Variants in PDE4A observed in about 807,000 individuals in gnomAD.
PDE4A encodes 3',5'-cyclic-AMP phosphodiesterase 4A.
A neutral mutation model predicts 73.9 loss-of-function variants in PDE4A; 21 were observed. That is an observed-to-expected ratio of 0.28 (90% CI 0.20 to 0.41). The LOEUF (loss-of-function observed/expected upper bound fraction) is 0.41, where lower values mean the gene tolerates loss of function less well. PDE4A is among the 10% of genes least tolerant of loss of function. PDE4A has a pLI of 1.00. For missense variants in PDE4A, 958 were observed against 1,211.4 expected (o/e 0.79, Z 3.10); for synonymous variants, 463 against 505.4 (o/e 0.92, Z 1.13).
At position 10,446,382 on chromosome 19, in the gene PDE4A, C is replaced by G; in HGVS notation, c.485C>G (p.Ser162Cys). ...SDYDMSPKTM[S>C]RNSSVTSEAH... The stretch of plus-strand genomic sequence containing the variant: ...TATGACATGTCACCCAAGACCATGT[C>G]CCGGAACTCATCGGTCACCAGCGAG... Residue 162 changes from serine to cysteine, a missense_variant, in exon 2 of 15, where the codon TCC becomes TGC. Physicochemically the swap from Ser to Cys is moderately radical, Grantham distance 112. Coordinates refer to ENST00000380702, the MANE Select transcript of PDE4A (RefSeq NM_001111307.2). 6.2e-7 allele frequency: 1 copy of G among 1,609,516 alleles called. No individual in the cohort carries two copies. The highest frequency in any genetic ancestry group is 8.5e-7 in the Non-Finnish European group (1 of 1,176,216).
intron 14 of PDE4A, chr19:10,464,567 C>G (rs2043331780): frequency 2.6e-6 from 1 of 377,512 alleles, no homozygotes; most frequent in African/African-American, 2.1e-5. Flanking sequence ...CAGGTGCACA[C>G]CACCACACCT....
intron 1 of PDE4A, among the ~76,000 whole-genome samples, chr19:10,440,643 G>A (rs1171664030): frequency 6.6e-6 from 1 of 152,132 alleles, no homozygotes; most frequent in Admixed American, 6.6e-5. Flanking sequence ...CTGTCATCCA[G>A]GCTGAAGTGC....
At chr19:10,449,902 C>A (rs2043065289) in intron 4 of PDE4A, among the ~76,000 whole-genome samples, 1 of 151,182 alleles carries the variant, frequency 6.6e-6, no homozygotes, top group Non-Finnish European at 1.5e-5. Context: ...AGGACCAGCC[C>A]AGGGGAAACA....
At chr19:10,463,700 C>A in intron 13 of PDE4A, 93 bp from the exon 14 acceptor site, 1 of 1,567,862 alleles carries the variant, frequency 6.4e-7, no homozygotes, top group African/African-American at 1.4e-5. Flanking sequence ...AGTGCCTGGC[C>A]CCCATTTCTT....
At chr19:10,436,777 C>T (rs923692679) in intron 1 of PDE4A, among the ~76,000 whole-genome samples, 9 of 152,024 alleles carry the variant, frequency 5.9e-5, no homozygotes, top group Non-Finnish European at 1.0e-4. Flanking sequence ...CAGTGGCTCA[C>T]GCCTGTAATC....
At position 10,457,919 on chromosome 19, in the gene PDE4A, G is replaced by A. The variant is rs753124660; in HGVS notation, c.918G>A (p.Lys306=). The part of the protein sequence containing the change: ...NEVEIPSPTM[K]EREKQQAPRP... Reference sequence around the variant, plus strand: ...TGGAGATCCCATCACCCACGATGAAGGAACGAGAAAAACAGCAAGCGCCGC... The same window carrying A: ...TGGAGATCCCATCACCCACGATGAAAGAACGAGAAAAACAGCAAGCGCCGC... Residue 306 remains lysine, a synonymous_variant, in exon 8 of 15, where the codon AAG becomes AAA. Coordinates refer to ENST00000380702, the MANE Select transcript of PDE4A (RefSeq NM_001111307.2). The A allele has an allele frequency of 3.1e-6, 5 of 1,612,540 alleles. No homozygotes were observed. In the East Asian group the frequency reaches 6.7e-5, roughly 22 times the overall value.
chr19:10,455,486 T>A (rs1488498057), intron 7 of PDE4A, among the ~76,000 whole-genome samples: 2 of 145,762 alleles, frequency 1.4e-5, no homozygotes, highest in Non-Finnish European at 3.0e-5. Context: ...AAAAAAATAT[T>A]AGCCGGGCAT....
upstream of PDE4A, chr19:10,418,969 G>A: frequency 1.0e-6 from 1 of 985,282 alleles, no homozygotes; most frequent in Non-Finnish European, 1.2e-6. Context: ...TGCTGATGGG[G>A]GGGCCGGTTT....
At chr19:10,421,569 T>C (rs1158504292) in intron 1 of PDE4A, among the ~76,000 whole-genome samples, 1 of 152,028 alleles carries the variant, frequency 6.6e-6, no homozygotes, top group Non-Finnish European at 1.5e-5. Context: ...GAGGACTCTA[T>C]TGCGGGGATG....
rs527863382 is a variant in PDE4A at position 10,424,268 on chromosome 19, C to A, written c.320+3184C>A. Among the ~76,000 whole-genome samples, 1 of 152,314 alleles carries A rather than the reference C, an allele frequency of 6.6e-6. No individual in the cohort carries two copies. The highest frequency in any genetic ancestry group is 2.1e-4 in the South Asian group (1 of 4,828). On this transcript the variant is annotated intron_variant, in intron 1 of 14. Transcript: ENST00000380702. The surrounding 1 kb of genome is among the most constrained non-coding windows in gnomAD (Gnocchi z 4.8). Reference sequence around the variant, plus strand: ...GGAGCTGTCTGAACTGGGGACGGGGCCAACATACGGACCCTGCGTCCCCCC... The same window carrying A: ...GGAGCTGTCTGAACTGGGGACGGGGACAACATACGGACCCTGCGTCCCCCC...
intron 1 of PDE4A, among the ~76,000 whole-genome samples, chr19:10,444,513 A>G (rs1053529938): frequency 2.0e-5 from 3 of 151,096 alleles, no homozygotes; most frequent in African/African-American, 7.3e-5. Context: ...AAAAAAAAAA[A>G]GTATTATGGT....
chr19:10,462,391 A>G (rs1407543016), intron 13 of PDE4A, among the ~76,000 whole-genome samples: 1 of 149,942 alleles, frequency 6.7e-6, no homozygotes, highest in Non-Finnish European at 1.5e-5. Context: ...ACCTCAGGTG[A>G]TCCCCCCCCG....
chr19:10,462,454 C>T (rs1245201964), intron 13 of PDE4A, among the ~76,000 whole-genome samples: 2 of 151,786 alleles, frequency 1.3e-5, no homozygotes, highest in Non-Finnish European at 2.9e-5. Context: ...AGCCACCGCG[C>T]TCAGCCCTCT....
At chr19:10,425,579 C>T (rs1006107878) in intron 1 of PDE4A, among the ~76,000 whole-genome samples, 2 of 152,180 alleles carry the variant, frequency 1.3e-5, no homozygotes, top group African/African-American at 4.8e-5. Flanking sequence ...ACTGCAGGCT[C>T]TTATGACTTT....
In PDE4A at chr19:10,435,486, G is replaced by A. The variant is rs576308327; in HGVS notation, c.321-10732G>A. On this transcript the variant is annotated intron_variant, in intron 1 of 14. Coordinates refer to ENST00000380702, the MANE Select transcript of PDE4A (RefSeq NM_001111307.2). ...TGAGGTGGGAGGATCGCTTGAGCCT[G>A]GGAGGCTGAGGCTGCAGTGAACCAT... Among the ~76,000 whole-genome samples, 3 of 151,976 alleles carry A rather than the reference G, an allele frequency of 2.0e-5. No individual in the cohort carries two copies. In the East Asian group the frequency reaches 5.8e-4, roughly 29 times the overall value.
chr19:10,430,516 G>A (rs1397539206), intron 1 of PDE4A, among the ~76,000 whole-genome samples: 1 of 152,002 alleles, frequency 6.6e-6, no homozygotes, highest in Non-Finnish European at 1.5e-5. Flanking sequence ...GGGCTTGTGG[G>A]GCCTGTCAAC....
intron 14 of PDE4A, among the ~76,000 whole-genome samples, chr19:10,466,549 G>A (rs1219858122): frequency 6.6e-6 from 1 of 151,490 alleles, no homozygotes; most frequent in African/African-American, 2.4e-5. Context: ...CCAGGCTGGA[G>A]TGCAGTGGTG....
chr19:10,431,568 G>A (rs578161489), intron 1 of PDE4A, among the ~76,000 whole-genome samples: 2 of 152,316 alleles, frequency 1.3e-5, no homozygotes, highest in Admixed American at 6.5e-5. Flanking sequence ...GACAGGCCCC[G>A]AGGCCACATC....
In PDE4A at chr19:10,463,805, A is replaced by T. The variant is rs199784523; in HGVS notation, c.1756A>T (p.Met586Leu). The T allele has an allele frequency of 2.2e-5, 35 of 1,614,034 alleles. 1 individual carries two copies. The South Asian group carries it at 3.8e-4, about 18-fold the overall frequency. ...CAACCCCATGCAGGTCCTCCGGAACATGGTGCACTGTGCCGACCTCAGCAA... is the reference window on the plus strand; with the variant it reads ...CAACCCCATGCAGGTCCTCCGGAACTTGGTGCACTGTGCCGACCTCAGCAA... ...YSDRIQVLRN[M>L]VHCADLSNPT... The change falls in exon 14 of 15, where the codon ATG (methionine) becomes TTG (leucine). Residue 586 changes from methionine (M) to leucine (L), a missense_variant. Physicochemically the swap from Met to Leu is conservative, Grantham distance 15 (BLOSUM62 2). Coordinates refer to ENST00000380702, the MANE Select transcript of PDE4A (RefSeq NM_001111307.2).
Sources: gnomAD v4.1 joint callset for allele counts (sites outside exome capture counted in the v4.1 genomes callset) on GRCh38, gnomAD v4.1.1 for gene constraint, Gnocchi (gnomAD v3.1) non-coding constraint, MANE v1.5 for transcripts, NCBI Gene and HGNC (gene_info 2026-07-23, HGNC 2026-07-21) for gene names.